GPBP1L1: variants seen among roughly 807,000 people sequenced by gnomAD.
GPBP1L1 encodes the protein GC-rich promoter binding protein 1 like 1, also known as vasculin-like protein 1.
A neutral mutation model predicts 52.5 loss-of-function variants in GPBP1L1; 23 were observed. The observed-to-expected ratio is 0.44, with a 90% CI of 0.32 to 0.62. GPBP1L1 has a LOEUF of 0.62. Among genes scored for constraint, GPBP1L1 ranks in the 20% least tolerant of loss-of-function variants. The pLI is 0.06. For synonymous variants in GPBP1L1, 243 were observed against 203.1 expected, an observed-to-expected ratio of 1.20 and a Z score of -1.67; for missense variants, 596 against 579.3, an observed-to-expected ratio of 1.03 and a Z score of -0.30.
intron 6 of GPBP1L1, among the ~76,000 whole-genome samples, chr1:45,647,154 C>G (rs536126826): frequency 2.8e-5 from 4 of 141,886 alleles, no homozygotes; most frequent in African/African-American, 1.0e-4. Context: ...TTTTTTAAAC[C>G]AACTTCTTAG....
At chr1:45,657,087 T>C (rs1244741917) in intron 4 of GPBP1L1, among the ~76,000 whole-genome samples, 1 of 152,210 alleles carries the variant, frequency 6.6e-6, no homozygotes, top group Non-Finnish European at 1.5e-5. Flanking sequence ...AATGAAAGAA[T>C]GTCTTCTAAT....
chr1:45,658,364 C>A (rs565711972), intron 4 of GPBP1L1, among the ~76,000 whole-genome samples: 7 of 152,096 alleles, frequency 4.6e-5, no homozygotes, highest in Non-Finnish European at 1.0e-4. Flanking sequence ...TTGACCTCCA[C>A]AATAGGTTAG....
chr1:45,686,693 C>T (rs1371119181), upstream of GPBP1L1: 1 of 152,354 alleles, frequency 6.6e-6, no homozygotes, highest in East Asian at 1.9e-4. Context: ...CGCCAGTTCC[C>T]TACGCTGCCA....
At chr1:45,654,416 C>T in intron 6 of GPBP1L1, 127 bp downstream of exon 6, 2 of 970,432 alleles carry the variant, frequency 2.1e-6, no homozygotes, top group African/African-American at 1.6e-5. Flanking sequence ...TCCTCTAAAA[C>T]AATAAAAACC....
chr1:45,680,000 A>C (rs1036422480), intron 2 of GPBP1L1, among the ~76,000 whole-genome samples: 1 of 151,536 alleles, frequency 6.6e-6, no homozygotes, highest in Non-Finnish European at 1.5e-5. Flanking sequence ...GGATCACTTG[A>C]GCCTAGGAGG....
rs1052044983 is a variant in GPBP1L1, at chr1:45,628,050, C to T, written c.*206G>A. The T allele has an allele frequency of 5.5e-6, 3 of 546,510 alleles. No individual in the cohort carries two copies. The highest frequency in any genetic ancestry group is 9.8e-6 in the Non-Finnish European group (3 of 307,356). The allele number at this position is 546,510 out of a possible 1,614,324, so 33.9% of individuals were successfully genotyped here. A position where few individuals can be genotyped will look rare whatever the true frequency, so the allele number is the denominator to read the frequency against. On this transcript the variant is annotated 3_prime_UTR_variant, in exon 13 of 13. Coordinates refer to ENST00000355105, the MANE Select transcript of GPBP1L1 (RefSeq NM_021639.5). Reference sequence around the variant, plus strand: ...TGTGTTTAAAAAATCTGTCCCACCACACAAACTTCTCTCTATAAAGCAGAT... The same window carrying T: ...TGTGTTTAAAAAATCTGTCCCACCATACAAACTTCTCTCTATAAAGCAGAT...
intron 2 of GPBP1L1, among the ~76,000 whole-genome samples, chr1:45,673,889 C>T (rs1645106504): frequency 6.6e-6 from 1 of 152,036 alleles, no homozygotes; most frequent in South Asian, 2.1e-4. Flanking sequence ...TTGTTTTCTA[C>T]AACAAAGAAC....
intron 5 of GPBP1L1, 21 bp downstream of exon 5, chr1:45,655,169 T>C (rs777546545): frequency 2.5e-6 from 4 of 1,613,780 alleles, no homozygotes; most frequent in African/African-American, 1.3e-5. Context: ...AATATAGTCA[T>C]GAAAGTTGGA....
At chr1:45,686,272 G>C (rs1219644341) in intron 1 of GPBP1L1, 140 bp downstream of exon 1, 1 of 152,266 alleles carries the variant, frequency 6.6e-6, no homozygotes, top group Non-Finnish European at 1.5e-5. Context: ...GCCCCTCTCG[G>C]GTCGGACCTA....
At chr1:45,645,801 A>AT (rs1644737328) in intron 6 of GPBP1L1, 2 of 383,648 alleles carry the variant, frequency 5.2e-6, no homozygotes, top group Admixed American at 7.6e-5. Context: ...TTATTTGTAA[A>AT]TATGTATTGC....
intron 6 of GPBP1L1, chr1:45,645,769 T>G (rs1019837136): frequency 1.0e-4 from 16 of 156,254 alleles, no homozygotes; most frequent in South Asian, 1.8e-4. Context: ...AAGTTTTTTG[T>G]TTTTTTTTTT....
intron 2 of GPBP1L1, among the ~76,000 whole-genome samples, chr1:45,669,627 C>T (rs374657627): frequency 6.6e-6 from 1 of 151,042 alleles, no homozygotes. Flanking sequence ...ACCCCCCCTC[C>T]AACCCCCTGC....
intron 6 of GPBP1L1, among the ~76,000 whole-genome samples, chr1:45,652,517 G>A (rs1243247653): frequency 2.6e-5 from 4 of 152,086 alleles, no homozygotes; most frequent in Non-Finnish European, 5.9e-5. Flanking sequence ...TCTTAATGAA[G>A]TACGTAAGAA....
intron 8 of GPBP1L1, among the ~76,000 whole-genome samples, chr1:45,639,507 C>T (rs1057090842): frequency 2.0e-5 from 3 of 149,184 alleles, no homozygotes; most frequent in Non-Finnish European, 4.4e-5. Context: ...CAGGAGGATT[C>T]CTTGAGGCCA....
At chr1:45,651,144 G>C (rs1182355872) in intron 6 of GPBP1L1, 1 of 498,916 alleles carries the variant, frequency 2.0e-6, no homozygotes, top group Non-Finnish European at 4.0e-6. Flanking sequence ...CATCGTATCT[G>C]TCATTGTAAT....
intron 2 of GPBP1L1, among the ~76,000 whole-genome samples, chr1:45,662,851 G>GACCA (rs1186227526): frequency 6.6e-6 from 1 of 152,002 alleles, no homozygotes; most frequent in Non-Finnish European, 1.5e-5. Flanking sequence ...AAGAGTTCAA[G>GACCA]ACCAGCCTGG....
upstream of GPBP1L1, chr1:45,686,729 A>ATGCCC (rs1645293757): frequency 6.6e-6 from 1 of 152,352 alleles, no homozygotes; most frequent in Admixed American, 6.5e-5. Flanking sequence ...AACGGCGGTT[A>ATGCCC]TGCCCTGCCC....
At chr1:45,664,825 C>T (rs890213588) in intron 2 of GPBP1L1, among the ~76,000 whole-genome samples, 6 of 152,060 alleles carry the variant, frequency 3.9e-5, no homozygotes, top group Non-Finnish European at 5.9e-5. Context: ...ATTGCAGGCA[C>T]CCACCACCAC....
chr1:45,665,076 A>G (rs1644993621), intron 2 of GPBP1L1, among the ~76,000 whole-genome samples: 1 of 151,748 alleles, frequency 6.6e-6, no homozygotes, highest in Non-Finnish European at 1.5e-5. Flanking sequence ...ATCACCTGAA[A>G]TCAGGAGTTC....
Sources: gnomAD v4.1 joint callset for allele counts (sites outside exome capture counted in the v4.1 genomes callset) on GRCh38, gnomAD v4.1.1 for gene constraint, MANE v1.5 for transcripts, NCBI Gene and HGNC (gene_info 2026-07-23, HGNC 2026-07-21) for gene names.